The following RANBP3 variants were observed in gnomAD, a reference collection of about 807,000 sequenced individuals.
The protein encoded by RANBP3 is RAN binding protein 3.
In RANBP3, 14 loss-of-function variants were observed where a neutral mutation model predicts 77.3. That is an observed-to-expected ratio of 0.18 (90% CI 0.12 to 0.28). The LOEUF is 0.28. Among genes scored for constraint, RANBP3 ranks in the 10% least tolerant of loss-of-function variants. The probability of loss-of-function intolerance (pLI) is 1.00; values close to 1 mark genes in which losing one functional copy is unlikely to be tolerated. For synonymous variants in RANBP3, 315 were observed against 312.4 expected, an observed-to-expected ratio of 1.01 and a Z score of -0.09; for missense variants, 586 against 752.3, an observed-to-expected ratio of 0.78 and a Z score of 2.59.
intron 3 of RANBP3, among the ~76,000 whole-genome samples, chr19:5,946,479 G>C (rs930565836): frequency 6.6e-6 from 1 of 152,174 alleles, no homozygotes; most frequent in Non-Finnish European, 1.5e-5. Flanking sequence ...TCTTGGTCCT[G>C]GAAAGGCTGG....
In RANBP3 at chr19:5,962,428, T is replaced by C. The variant is rs571097685; in HGVS notation, c.23-4455A>G. Among the ~76,000 whole-genome samples the C allele has an allele frequency of 3.3e-5, 5 of 152,254 alleles. No individual in the cohort carries two copies. The South Asian group carries it at 1.0e-3, about 32-fold the overall frequency. On this transcript the variant is annotated intron_variant, in intron 1 of 16. Coordinates refer to ENST00000340578, the MANE Select transcript of RANBP3 (RefSeq NM_007322.3). Reference sequence around the variant, plus strand: ...TTCTAGAAAGTGGGGCCTCGTCTGTTCCGTTTCTCTCTGTATTCTCAGTGC... The same window carrying C: ...TTCTAGAAAGTGGGGCCTCGTCTGTCCCGTTTCTCTCTGTATTCTCAGTGC...
chr19:5,971,465 G>A (rs2058529536), intron 1 of RANBP3, among the ~76,000 whole-genome samples: 1 of 151,972 alleles, frequency 6.6e-6, no homozygotes, highest in Non-Finnish European at 1.5e-5. Flanking sequence ...TGCCCGGCCT[G>A]AATTCTCTTA....
chr19:5,968,755 G>A (rs1207899164), intron 1 of RANBP3, among the ~76,000 whole-genome samples: 1 of 152,222 alleles, frequency 6.6e-6, no homozygotes, highest in East Asian at 1.9e-4. Context: ...GAGCCGAGCA[G>A]CCAAGCCTTG....
Position 5,959,600 on chromosome 19 carries a change from C to T in RANBP3, c.23-1627G>A, listed in dbSNP as rs2058375887. 6.6e-6 allele frequency among the ~76,000 whole-genome samples: 1 copy of T among 152,158 alleles called. No individual in the cohort carries two copies. The highest frequency in any genetic ancestry group is 1.5e-5 in the Non-Finnish European group (1 of 68,024). ...GTCTCCAACCAGACTTCCAGGTTTCCCTAAGCAGACTTCTTGCCAACACAG... is the reference window on the plus strand; with the variant it reads ...GTCTCCAACCAGACTTCCAGGTTTCTCTAAGCAGACTTCTTGCCAACACAG... On this transcript the variant is annotated intron_variant, in intron 1 of 16. Coordinates refer to ENST00000340578, the MANE Select transcript of RANBP3 (RefSeq NM_007322.3). The surrounding 1 kb of genome is among the most constrained non-coding windows in gnomAD (Gnocchi z 5.1).
intron 1 of RANBP3, among the ~76,000 whole-genome samples, chr19:5,977,824 C>T (rs889893370): frequency 6.6e-6 from 1 of 152,220 alleles, no homozygotes; most frequent in African/African-American, 2.4e-5. Flanking sequence ...CGATGGCCAC[C>T]CGGCTCCTCT....
In RANBP3 at chr19:5,958,024, T is replaced by C. The variant is rs2145212096; in HGVS notation, c.23-51A>G. 2 of 1,480,728 alleles carry C rather than the reference T, an allele frequency of 1.4e-6. No individual in the cohort carries two copies. The highest frequency in any genetic ancestry group is 4.5e-5 in the East Asian group (2 of 44,224). 91.7% of individuals were successfully genotyped at this position (1,480,728 alleles called of 1,614,324 possible). On this transcript the variant is annotated intron_variant, in intron 1 of 16. Transcript: ENST00000340578. This position sits in a 1 kb window ranked among gnomAD's most constrained non-coding sequence, Gnocchi z 4.4. The stretch of plus-strand genomic sequence containing the variant: ...TCCCCCCAACACTATATGCATACAG[T>C]AAACAAAGCTACACTTGTTTGTAAT...
Position 5,958,079 on chromosome 19 carries a change from T to G in RANBP3, c.23-106A>C. 2 of 1,010,234 alleles carry G rather than the reference T, an allele frequency of 2.0e-6. No individual in the cohort carries two copies. Among genetic ancestry groups the G allele is most frequent in the Non-Finnish European group, 3.0e-6 (2 of 664,266 alleles). 62.6% of individuals were successfully genotyped at this position (1,010,234 alleles called of 1,614,324 possible). A position where few individuals can be genotyped will look rare whatever the true frequency, so the allele number is the denominator to read the frequency against. ...TAAACATATATATAAATGAAACTAG[T>G]AACTCCAGAGAACATCAAATCACTT... is the stretch of plus-strand genomic sequence containing the variant. On this transcript the variant is annotated intron_variant, in intron 1 of 16. Transcript: ENST00000340578. The surrounding 1 kb of genome is among the most constrained non-coding windows in gnomAD (Gnocchi z 4.4).
intron 1 of RANBP3, among the ~76,000 whole-genome samples, chr19:5,967,944 G>T (rs539470363): frequency 6.6e-6 from 1 of 152,220 alleles, no homozygotes; most frequent in South Asian, 2.1e-4. Flanking sequence ...TTGAACCCAG[G>T]AGGTGGAGGT....
At chr19:5,957,764 T>C in intron 2 of RANBP3, 154 bp downstream of exon 2, 1 of 785,254 alleles carries the variant, frequency 1.3e-6, no homozygotes, top group Non-Finnish European at 2.1e-6. Flanking sequence ...GCCTTTTCCC[T>C]CCAAGCTCAA....
At chr19:5,967,472 T>TC (rs1457410568) in intron 1 of RANBP3, among the ~76,000 whole-genome samples, 9 of 152,308 alleles carry the variant, frequency 5.9e-5, no homozygotes, top group African/African-American at 2.2e-4. Context: ...TTTACTGGAC[T>TC]CCGAGGTAGG....
intron 8 of RANBP3, among the ~76,000 whole-genome samples, chr19:5,928,805 T>G (rs2057948700): frequency 6.6e-6 from 1 of 152,202 alleles, no homozygotes; most frequent in Non-Finnish European, 1.5e-5. Context: ...ACCAAATGCA[T>G]TTATCTTGAG....
intron 1 of RANBP3, 126 bp downstream of exon 1, chr19:5,977,935 C>G: frequency 7.9e-7 from 1 of 1,271,542 alleles, no homozygotes; most frequent in Non-Finnish European, 1.0e-6. Flanking sequence ...AGGCCCGCCA[C>G]GGCGCTAGCC....
At chr19:5,934,213 T>C (rs551030429) in intron 5 of RANBP3, 1 of 152,354 alleles carries the variant, frequency 6.6e-6, no homozygotes, top group African/African-American at 2.4e-5. Context: ...TTGGCAACTG[T>C]GCCCATACAG....
At chr19:5,941,547 T>C (rs2058136989) in intron 5 of RANBP3, 74 bp downstream of exon 5, 1 of 1,294,358 alleles carries the variant, frequency 7.7e-7, no homozygotes, top group Non-Finnish European at 1.1e-6. Flanking sequence ...AGCAGACGGA[T>C]GCGCGGCACT....
chr19:5,930,956 T>C (rs1285588835), intron 8 of RANBP3, among the ~76,000 whole-genome samples: 1 of 152,160 alleles, frequency 6.6e-6, no homozygotes, highest in Non-Finnish European at 1.5e-5. Context: ...GGTTTGGGTG[T>C]GGACACAGAG....
intron 1 of RANBP3, chr19:5,976,395 A>T (rs2058591210): frequency 6.6e-6 from 1 of 152,178 alleles, no homozygotes; most frequent in South Asian, 2.1e-4. Flanking sequence ...TCCCTCTGTA[A>T]CTAGATCTCA....
chr19:5,938,809 C>T (rs902816283), intron 5 of RANBP3, among the ~76,000 whole-genome samples: 7 of 152,130 alleles, frequency 4.6e-5, no homozygotes, highest in Admixed American at 1.3e-4. Flanking sequence ...ACTTCACAGG[C>T]GTTACCTTTG....
At chr19:5,928,193 C>T in intron 8 of RANBP3, 106 bp from the exon 9 acceptor site, 2 of 1,306,970 alleles carry the variant, frequency 1.5e-6, no homozygotes, top group Admixed American at 2.3e-5. Flanking sequence ...CACGTCTCCT[C>T]TGCATGTGCC....
intron 1 of RANBP3, among the ~76,000 whole-genome samples, chr19:5,970,586 C>A (rs1203927286): frequency 6.6e-6 from 1 of 152,034 alleles, no homozygotes; most frequent in Non-Finnish European, 1.5e-5. Context: ...TGAGTAGAGG[C>A]TAGAGGGGCT....
Sources: gnomAD v4.1 joint callset for allele counts (sites outside exome capture counted in the v4.1 genomes callset) on GRCh38, gnomAD v4.1.1 for gene constraint, Gnocchi (gnomAD v3.1) non-coding constraint, MANE v1.5 for transcripts, NCBI Gene and HGNC (gene_info 2026-07-23, HGNC 2026-07-21) for gene names.